POLK: variants seen among roughly 807,000 people sequenced by gnomAD.
POLK encodes DNA polymerase kappa.
In POLK, 76 loss-of-function variants were observed where a neutral mutation model predicts 94.0. The observed-to-expected ratio is 0.81, with a 90% CI of 0.67 to 0.98. POLK has a LOEUF of 0.98. Ranked by LOEUF, POLK falls within the 50% of genes least tolerant of loss-of-function variation. POLK has a pLI of 0.00. For missense variants in POLK, 954 were observed against 1,010.1 expected (o/e 0.94, Z 0.75); for synonymous variants, 349 against 325.4 (o/e 1.07, Z -0.78).
At chr5:75,580,115 G>T in intron 6 of POLK, among the ~76,000 whole-genome samples, 1 of 151,782 alleles carries the variant, frequency 6.6e-6, no homozygotes, top group South Asian at 2.1e-4. Context: ...TTAATCAGAT[G>T]TCTGTCATAT....
chr5:75,586,191 A>T (rs1430437870), intron 9 of POLK, among the ~76,000 whole-genome samples: 1 of 152,162 alleles, frequency 6.6e-6, no homozygotes, highest in Admixed American at 6.5e-5. Flanking sequence ...ATTCATAGGT[A>T]ATTTATAATA....
At chr5:75,578,412 C>T (rs979735831) in intron 6 of POLK, among the ~76,000 whole-genome samples, 7 of 152,228 alleles carry the variant, frequency 4.6e-5, no homozygotes, top group Admixed American at 1.3e-4. Context: ...CCGCCTCGGC[C>T]TTCCAAAGTG....
intron 1 of POLK, among the ~76,000 whole-genome samples, chr5:75,516,680 A>G (rs949769535): frequency 6.6e-6 from 1 of 151,910 alleles, no homozygotes; most frequent in African/African-American, 2.4e-5. Context: ...ACAAAAAAAC[A>G]AAATAAAACA....
At chr5:75,607,008 C>T in the POLK span, among the ~76,000 whole-genome samples, 1 of 152,142 alleles carries the variant, frequency 6.6e-6, no homozygotes, top group African/African-American at 2.4e-5. Flanking sequence ...TGGAAGAACT[C>T]AACTTCAATT....
chr5:75,580,890 G>A (rs1222985937), intron 6 of POLK, among the ~76,000 whole-genome samples: 1 of 149,052 alleles, frequency 6.7e-6, no homozygotes, highest in Non-Finnish European at 1.5e-5. Context: ...TAAGAAAAAG[G>A]TAATGTGAAC....
In POLK at chr5:75,542,122, T is replaced by C. The variant is rs191691151; in HGVS notation, c.-13-4888T>C. On this transcript the variant is annotated intron_variant, in intron 1 of 14. Transcript: ENST00000241436. ...GAAATTTTGTGCTGGGTGCTAAATC[T>C]GTTCAAAGTATTAAATATTTGAATA... Among the ~76,000 whole-genome samples the C allele has an allele frequency of 1.1e-3, 172 of 152,356 alleles. 1 individual carries two copies. Among genetic ancestry groups the C allele is most frequent in the Non-Finnish European group, 1.2e-3 (84 of 68,026 alleles).
intron 6 of POLK, among the ~76,000 whole-genome samples, chr5:75,577,320 A>G (rs1284016649): frequency 6.6e-5 from 10 of 152,168 alleles, no homozygotes; most frequent in African/African-American, 1.4e-4. Context: ...ATATCAAAAC[A>G]TTGGATGATT....
exon 13 of POLK, chr5:75,596,652 T>C (rs1164565142): frequency 1.2e-6 from 2 of 1,613,998 alleles, no homozygotes; most frequent in Non-Finnish European, 1.7e-6. Context: ...CTTCAATCAG[T>C]GAAAACTTTA....
chr5:75,583,241 A>G, intron 7 of POLK, 52 bp from the exon 8 acceptor site: 1 of 1,394,526 alleles, frequency 7.2e-7, no homozygotes, highest in Non-Finnish European at 9.7e-7. Context: ...TTGCATATTT[A>G]AAAGTCATAC....
chr5:75,574,465 T>G (rs553225972), intron 5 of POLK, among the ~76,000 whole-genome samples: 2 of 152,324 alleles, frequency 1.3e-5, no homozygotes, highest in African/African-American at 4.8e-5. Flanking sequence ...TTTTTCTATT[T>G]TTTATGACAA....
At chr5:75,607,400 G>A in the POLK span, among the ~76,000 whole-genome samples, 2,181 of 151,678 alleles carry the variant, frequency 0.014, 46 homozygotes, top group African/African-American at 0.049. Context: ...CCCGGGAGAC[G>A]GAGGTTGCAG....
rs1250521415 is a variant in POLK at position 75,576,901 on chromosome 5, A to G, written c.662A>G (p.Tyr221Cys). 5.7e-6 allele frequency: 9 copies of G among 1,569,792 alleles called. No individual in the cohort carries two copies. The South Asian group carries it at 8.5e-5, about 15-fold the overall frequency. ...AATTGGCCTGAGGATAAAAGAAGGT[A>G]TTTCATCAAAATGGGAAGCTCTGTA... The change falls in exon 6 of 15, where the codon TAT becomes TGT. Residue 221 changes from tyrosine (Y) to cysteine (C), a missense_variant. Physicochemically the swap from Tyr to Cys is radical, Grantham distance 194. Transcript: ENST00000241436.
At chr5:75,539,323 C>G (rs192639073) in intron 1 of POLK, among the ~76,000 whole-genome samples, 1 of 149,024 alleles carries the variant, frequency 6.7e-6, no homozygotes, top group Admixed American at 6.7e-5. Flanking sequence ...TTTTTTGTTT[C>G]TGGTATTTAG....
At chr5:75,540,781 G>A (rs1030501262) in intron 1 of POLK, among the ~76,000 whole-genome samples, 3 of 152,006 alleles carry the variant, frequency 2.0e-5, no homozygotes, top group African/African-American at 7.2e-5. Flanking sequence ...ATATAGATAG[G>A]TATTTTTGCC....
At chr5:75,578,153 A>G (rs980085504) in intron 6 of POLK, among the ~76,000 whole-genome samples, 71 of 152,204 alleles carry the variant, frequency 4.7e-4, no homozygotes, top group African/African-American at 1.7e-3. Flanking sequence ...TTCATTTTCT[A>G]CTAATTTTTT....
intron 1 of POLK, among the ~76,000 whole-genome samples, chr5:75,530,137 G>T (rs1438739077): frequency 6.6e-6 from 1 of 151,868 alleles, no homozygotes; most frequent in Non-Finnish European, 1.5e-5. Context: ...GATTATTGAA[G>T]GAATTACCCT....
chr5:75,559,868 C>G (rs927592822), intron 3 of POLK, among the ~76,000 whole-genome samples: 4 of 152,040 alleles, frequency 2.6e-5, no homozygotes, highest in Non-Finnish European at 4.4e-5. Flanking sequence ...ATTTATTCAA[C>G]AGTCTTGGGG....
At chr5:75,603,813 C>T (rs139443848), downstream of POLK, among the ~76,000 whole-genome samples, 75 of 152,328 alleles carry the variant, frequency 4.9e-4, no homozygotes, top group Admixed American at 2.0e-3. Context: ...CATCTTTCAA[C>T]TCAGCTCAAG....
chr5:75,547,511 G>GT (rs1770094996), intron 2 of POLK, among the ~76,000 whole-genome samples: 1 of 150,782 alleles, frequency 6.6e-6, no homozygotes, highest in East Asian at 2.0e-4. Context: ...TTCATTCTTT[G>GT]TATGCCTGTG....
Sources: gnomAD v4.1 joint callset for allele counts (sites outside exome capture counted in the v4.1 genomes callset) on GRCh38, gnomAD v4.1.1 for gene constraint, MANE v1.5 for transcripts, NCBI Gene and HGNC (gene_info 2026-07-23, HGNC 2026-07-21) for gene names.